Variants in TRAPPC9 observed in about 807,000 individuals in gnomAD.
TRAPPC9 encodes IKK2 binding protein.
Under a neutral mutation model 124.0 loss-of-function variants are expected in TRAPPC9, and 83 were observed. The ratio of observed to expected loss-of-function variants is 0.67; its 90% CI spans 0.56 to 0.80. The LOEUF is 0.80. Ranked by LOEUF, TRAPPC9 falls within the 30% of genes least tolerant of loss-of-function variation. The pLI, the probability that TRAPPC9 is intolerant of heterozygous loss-of-function variation, is 0.00. For missense variants in TRAPPC9, 1,302 were observed against 1,508.3 expected, an observed-to-expected ratio of 0.86 and a Z score of 2.27; for synonymous variants, 638 against 617.5, an observed-to-expected ratio of 1.03 and a Z score of -0.49.
At chr8:139,754,756 T>A (rs11992283) in intron 21 of TRAPPC9, among the ~76,000 whole-genome samples, 37,247 of 152,134 alleles carry the variant, frequency 0.24, 6,536 homozygotes, top group African/African-American at 0.5. Context: ...CCACCCCGTG[T>A]CACAAGCTGA....
At chr8:139,854,443 G>A (rs990289834) in intron 21 of TRAPPC9, among the ~76,000 whole-genome samples, 2 of 152,228 alleles carry the variant, frequency 1.3e-5, no homozygotes, top group African/African-American at 4.8e-5. Flanking sequence ...GGCCCTTGGT[G>A]TCCGTGTCTG....
At chr8:139,740,082 G>A (rs7817328) in intron 21 of TRAPPC9, among the ~76,000 whole-genome samples, 3 of 152,146 alleles carry the variant, frequency 2.0e-5, no homozygotes. Flanking sequence ...ACTCTAGGCC[G>A]AGCTACCATG....
chr8:140,170,713 G>C (rs533904879), intron 17 of TRAPPC9, among the ~76,000 whole-genome samples: 1 of 152,312 alleles, frequency 6.6e-6, no homozygotes, highest in African/African-American at 2.4e-5. Context: ...CAAGGACGAC[G>C]TGGTTGTTTT....
intron 9 of TRAPPC9, among the ~76,000 whole-genome samples, chr8:140,356,617 G>A (rs1039361281): frequency 2.0e-5 from 3 of 151,106 alleles, no homozygotes; most frequent in Admixed American, 6.6e-5. Flanking sequence ...TAAAAAGAAT[G>A]TGCTTTTTTT....
chr8:140,233,623 C>CA (rs1554648047), intron 16 of TRAPPC9, among the ~76,000 whole-genome samples: 3 of 90,852 alleles, frequency 3.3e-5, no homozygotes, highest in Admixed American at 1.3e-4. Context: ...TCTCTCCCCA[C>CA]CACACACACA....
chr8:140,327,950 C>T (rs1206093620), intron 9 of TRAPPC9, among the ~76,000 whole-genome samples: 1 of 152,128 alleles, frequency 6.6e-6, no homozygotes, highest in Non-Finnish European at 1.5e-5. Context: ...TTTTCAAAAT[C>T]AATGTAAAAA....
At chr8:140,123,664 G>A (rs1364780713) in intron 17 of TRAPPC9, among the ~76,000 whole-genome samples, 1 of 152,204 alleles carries the variant, frequency 6.6e-6, no homozygotes, top group African/African-American at 2.4e-5. Flanking sequence ...AAAAATTATA[G>A]TTGCATAGTC....
chr8:140,117,022 C>T (rs988259529), intron 17 of TRAPPC9, among the ~76,000 whole-genome samples: 3 of 152,078 alleles, frequency 2.0e-5, no homozygotes, highest in South Asian at 2.1e-4. Flanking sequence ...TGGATCCACA[C>T]GAACAGGAGG....
intron 9 of TRAPPC9, among the ~76,000 whole-genome samples, chr8:140,334,328 A>AGG (rs1246271032): frequency 1.7e-4 from 26 of 152,036 alleles, no homozygotes; most frequent in African/African-American, 6.0e-4. Flanking sequence ...ATTTTAGGAA[A>AGG]TAATTTGAGA....
At chr8:139,800,463 C>T (rs1005857141) in intron 21 of TRAPPC9, among the ~76,000 whole-genome samples, 1 of 152,228 alleles carries the variant, frequency 6.6e-6, no homozygotes, top group Non-Finnish European at 1.5e-5. Context: ...GGCAGGAAGA[C>T]AATTCGGAAA....
intron 5 of TRAPPC9, among the ~76,000 whole-genome samples, chr8:140,408,934 G>C (rs534866162): frequency 4.6e-5 from 7 of 152,054 alleles, no homozygotes; most frequent in Admixed American, 1.3e-4. Flanking sequence ...CTAAAACCTG[G>C]ACAAAGGAAA....
intron 21 of TRAPPC9, among the ~76,000 whole-genome samples, chr8:139,758,241 G>T (rs959389815): frequency 6.6e-5 from 10 of 152,318 alleles, no homozygotes; most frequent in Middle Eastern, 3.4e-3. Context: ...CAAATGCCAG[G>T]CTTATGTGGG....
chr8:139,923,483 T>G (rs750974730), intron 19 of TRAPPC9, among the ~76,000 whole-genome samples: 3 of 149,990 alleles, frequency 2.0e-5, no homozygotes, highest in Non-Finnish European at 4.5e-5. Flanking sequence ...CACTCAACAC[T>G]CTGCTCCTGT....
intron 9 of TRAPPC9, among the ~76,000 whole-genome samples, chr8:140,324,437 AT>A (rs1257304257): frequency 2.6e-5 from 4 of 152,318 alleles, no homozygotes; most frequent in South Asian, 4.1e-4. Flanking sequence ...AAGATTCATG[AT>A]TTTTTTAAAG....
chr8:139,971,438 C>T (rs2614726), intron 19 of TRAPPC9, among the ~76,000 whole-genome samples: 134,254 of 152,122 alleles, frequency 0.88, 59,412 homozygotes, highest in East Asian at 0.98. Context: ...TCCTCCTGGC[C>T]GGTGAATCTC....
chr8:140,082,814 AG>A (rs1426888149), intron 17 of TRAPPC9, among the ~76,000 whole-genome samples: 3 of 152,238 alleles, frequency 2.0e-5, no homozygotes, highest in Non-Finnish European at 4.4e-5. Flanking sequence ...ATTTCAGACA[AG>A]GGGCATCCTC....
At chr8:139,943,309 C>T (rs1160496533) in intron 19 of TRAPPC9, among the ~76,000 whole-genome samples, 1 of 152,174 alleles carries the variant, frequency 6.6e-6, no homozygotes, top group South Asian at 2.1e-4. Flanking sequence ...TCAGGTGATT[C>T]ACCTGTCTTG....
At chr8:139,959,805 A>G (rs59722170) in intron 19 of TRAPPC9, among the ~76,000 whole-genome samples, 310 of 152,308 alleles carry the variant, frequency 2.0e-3, no homozygotes, top group African/African-American at 7.0e-3. Context: ...GGACACAGTA[A>G]AGAGGCTAAC....
chr8:139,873,029 T>C lies in TRAPPC9; in HGVS notation c.3055+12850A>G, dbSNP rs190258339. On this transcript the variant is annotated intron_variant, in intron 21 of 22. Coordinates refer to ENST00000438773, the MANE Select transcript of TRAPPC9 (RefSeq NM_001160372.4). ...GTGGGTAAATGGTTGGATGAGTAGA[T>C]GGATGGATGGGTGGGTGGGCTGGTA... 2.4e-3 allele frequency among the ~76,000 whole-genome samples: 349 copies of C among 147,054 alleles called. 3 individuals are homozygous for C. Among genetic ancestry groups the C allele is most frequent in the African/African-American group, 8.4e-3 (327 of 38,982 alleles).
Sources: allele counts gnomAD v4.1 joint callset (sites outside exome capture counted in the v4.1 genomes callset), GRCh38; gene constraint gnomAD v4.1.1; transcripts MANE v1.5; gene names NCBI Gene and HGNC (gene_info 2026-07-23, HGNC 2026-07-21).